KLF12: variants seen among roughly 807,000 people sequenced by gnomAD.
KLF12 encodes the protein KLF transcription factor 12, also known as Krueppel-like factor 12.
A neutral mutation model predicts 37.8 loss-of-function variants in KLF12; 9 were observed. The observed-to-expected ratio is 0.24, with a 90% confidence interval of 0.14 to 0.42. KLF12 has a LOEUF of 0.42. Ranked by LOEUF, KLF12 falls within the 10% of genes least tolerant of loss-of-function variation. The probability of loss-of-function intolerance (pLI) is 1.00; values close to 1 mark genes in which losing one functional copy is unlikely to be tolerated. For missense variants in KLF12, 411 were observed against 516.0 expected, an observed-to-expected ratio of 0.80 and a Z score of 1.97; for synonymous variants, 208 against 202.1, an observed-to-expected ratio of 1.03 and a Z score of -0.25.
In KLF12 at chr13:73,690,718, T is replaced by C. The variant is rs1443184688; in HGVS notation, c.*4772A>G. On this transcript the variant is annotated 3_prime_UTR_variant, in exon 8 of 8. Coordinates refer to ENST00000377669, the MANE Select transcript of KLF12 (RefSeq NM_007249.5). The stretch of plus-strand genomic sequence containing the variant: ...ACAAGGCATATCTGAACAAGTTTTT[T>C]CTTTTTATTGTGATGAAAACTAGAA... 1 of 152,532 alleles carries C rather than the reference T, an allele frequency of 6.6e-6. No homozygotes were observed. Among genetic ancestry groups the C allele is most frequent in the Non-Finnish European group, 1.5e-5 (1 of 68,036 alleles). 9.4% of individuals were successfully genotyped at this position (152,532 alleles called of 1,614,324 possible).
chr13:73,902,567 T>C (rs968435447), intron 3 of KLF12, among the ~76,000 whole-genome samples: 5 of 152,172 alleles, frequency 3.3e-5, no homozygotes, highest in Non-Finnish European at 5.9e-5. Context: ...AGAACTGCAT[T>C]ACGGCATGAC....
intron 5 of KLF12, among the ~76,000 whole-genome samples, chr13:73,787,413 T>A (rs568969949): frequency 6.6e-6 from 1 of 152,306 alleles, no homozygotes; most frequent in Non-Finnish European, 1.5e-5. Context: ...TAAAATATAG[T>A]CCCTTTCACA....
At chr13:74,240,951 G>A in the KLF12 span, among the ~76,000 whole-genome samples, 2 of 151,624 alleles carry the variant, frequency 1.3e-5, no homozygotes, top group Non-Finnish European at 3.0e-5. Flanking sequence ...GCTCGTCAAA[G>A]TCATTCTCCA....
chr13:74,100,732 T>G (rs942760666), intron 1 of KLF12, among the ~76,000 whole-genome samples: 1 of 152,102 alleles, frequency 6.6e-6, no homozygotes, highest in Admixed American at 6.5e-5. Flanking sequence ...TACATAAAAA[T>G]GTATGTGTAC....
chr13:73,948,850 A>T (rs2139397039), intron 2 of KLF12, among the ~76,000 whole-genome samples: 1 of 152,350 alleles, frequency 6.6e-6, no homozygotes, highest in African/African-American at 2.4e-5. Context: ...ATAGATTGAA[A>T]TCATGTTTAG....
chr13:73,855,194 A>C (rs1407686465), intron 3 of KLF12, among the ~76,000 whole-genome samples: 2 of 152,192 alleles, frequency 1.3e-5, no homozygotes, highest in Non-Finnish European at 2.9e-5. Context: ...GATTCATCCC[A>C]TCATCAGGTA....
chr13:74,209,890 A>G, the KLF12 span, among the ~76,000 whole-genome samples: 1 of 152,210 alleles, frequency 6.6e-6, no homozygotes, highest in Non-Finnish European at 1.5e-5. Context: ...AAGAAAAGAG[A>G]TAAGAATCAG....
At chr13:73,909,081 C>G (rs749515237) in intron 3 of KLF12, among the ~76,000 whole-genome samples, 1 of 152,152 alleles carries the variant, frequency 6.6e-6, no homozygotes, top group South Asian at 2.1e-4. Context: ...AAATGGACAA[C>G]AATACGTACT....
chr13:74,237,300 T>A, the KLF12 span, among the ~76,000 whole-genome samples: 2 of 143,968 alleles, frequency 1.4e-5, no homozygotes, highest in African/African-American at 2.9e-5. Flanking sequence ...CATTGATCTA[T>A]ATCTCTGTTT....
At chr13:73,781,793 C>T (rs567647011) in intron 5 of KLF12, among the ~76,000 whole-genome samples, 1 of 151,780 alleles carries the variant, frequency 6.6e-6, no homozygotes, top group South Asian at 2.1e-4. Context: ...AAGCACAGGC[C>T]TAAAAAACTG....
rs550533357 is a variant in KLF12, at chr13:73,753,593, C to T, written c.869+11345G>A. Among the ~76,000 whole-genome samples the T allele has an allele frequency of 4.7e-5, 7 of 147,856 alleles. No homozygotes were observed. The East Asian group carries it at 1.4e-3, about 30-fold the overall frequency. Reference sequence around the variant, plus strand: ...GAAAGTGGCTGGATCATTGCAGGCACAATAATTTTACTGAAGAGGGAACAG... The same window carrying T: ...GAAAGTGGCTGGATCATTGCAGGCATAATAATTTTACTGAAGAGGGAACAG... On this transcript the variant is annotated intron_variant, in intron 6 of 7. Coordinates refer to ENST00000377669, the MANE Select transcript of KLF12 (RefSeq NM_007249.5).
the KLF12 span, among the ~76,000 whole-genome samples, chr13:74,183,294 A>G: frequency 6.6e-6 from 1 of 152,176 alleles, no homozygotes; most frequent in Non-Finnish European, 1.5e-5. Flanking sequence ...CAAAAGCCAC[A>G]TGAATGCGGG....
chr13:74,216,291 G>A, the KLF12 span, among the ~76,000 whole-genome samples: 1 of 152,174 alleles, frequency 6.6e-6, no homozygotes, highest in South Asian at 2.1e-4. Context: ...CCTAATTTCA[G>A]TGTGGTTAGA....
At chr13:73,780,637 T>C (rs1005308743) in intron 5 of KLF12, among the ~76,000 whole-genome samples, 3 of 152,178 alleles carry the variant, frequency 2.0e-5, no homozygotes, top group African/African-American at 7.2e-5. Context: ...AATTTTTGTA[T>C]TTTCAGTAGA....
At chr13:74,158,254 G>T in the KLF12 span, among the ~76,000 whole-genome samples, 4 of 152,200 alleles carry the variant, frequency 2.6e-5, no homozygotes, top group East Asian at 5.8e-4. Flanking sequence ...ATGTGCGGCT[G>T]CAGGATGTTT....
the KLF12 span, among the ~76,000 whole-genome samples, chr13:74,171,833 C>G: frequency 6.6e-6 from 1 of 152,280 alleles, no homozygotes; most frequent in Non-Finnish European, 1.5e-5. Flanking sequence ...AGAATTATTT[C>G]TGTTGCTATT....
At chr13:73,984,786 G>A (rs1352126263) in intron 2 of KLF12, among the ~76,000 whole-genome samples, 3 of 152,104 alleles carry the variant, frequency 2.0e-5, no homozygotes, top group Non-Finnish European at 4.4e-5. Flanking sequence ...AAAACAAAAC[G>A]TTACGGATTC....
chr13:74,008,820 T>C (rs1892478362), intron 1 of KLF12, among the ~76,000 whole-genome samples: 1 of 152,264 alleles, frequency 6.6e-6, no homozygotes, highest in African/African-American at 2.4e-5. Context: ...GACTCTGCAC[T>C]GATGAATTCA....
intron 4 of KLF12, among the ~76,000 whole-genome samples, chr13:73,825,926 G>A (rs1429752546): frequency 6.6e-6 from 1 of 152,002 alleles, no homozygotes; most frequent in Non-Finnish European, 1.5e-5. Context: ...CTACATGCCT[G>A]CCACATTTAA....
Sources: allele counts gnomAD v4.1 joint callset (sites outside exome capture counted in the v4.1 genomes callset), GRCh38; gene constraint gnomAD v4.1.1; transcripts MANE v1.5; gene names NCBI Gene and HGNC (gene_info 2026-07-23, HGNC 2026-07-21).